Variants in ATRX observed in about 807,000 individuals in gnomAD.
The protein encoded by ATRX is ATRX chromatin remodeler, also known as chromatin remodeler ATRX.
ATRX carries 12 observed loss-of-function variants against 172.6 expected under a neutral mutation model. The observed-to-expected ratio is 0.07, with a 90% CI of 0.04 to 0.11. The LOEUF (loss-of-function observed/expected upper bound fraction) is 0.11, where lower values mean the gene tolerates loss of function less well. ATRX is among the 10% of genes least tolerant of loss of function. The probability of loss-of-function intolerance (pLI) is 1.00; values close to 1 mark genes in which losing one functional copy is unlikely to be tolerated. For missense variants in ATRX, 1,368 were observed against 1,767.4 expected (o/e 0.77, Z 4.05); for synonymous variants, 674 against 594.7 (o/e 1.13, Z -1.94).
At chrX:77,747,057 C>A (rs1163439143) in intron 1 of ATRX, among the ~76,000 whole-genome samples, 1 of 110,807 alleles carries the variant, frequency 9.0e-6, no homozygotes, top group African/African-American at 3.3e-5. Context: ...CTTCGGCCTC[C>A]CAAAGTGCTG....
At chrX:77,576,028 T>C (rs1350284425) in intron 27 of ATRX, among the ~76,000 whole-genome samples, 1 of 111,125 alleles carries the variant, frequency 9.0e-6, no homozygotes. Flanking sequence ...ATGGTAATGG[T>C]AGTGGTAGTG....
At chrX:77,605,705 C>T (rs999856435) in intron 22 of ATRX, among the ~76,000 whole-genome samples, 2 of 111,520 alleles carry the variant, frequency 1.8e-5, no homozygotes, top group Admixed American at 1.9e-4. Context: ...AGGCCAATAT[C>T]ACTGATGAAC....
At chrX:77,588,072 G>A (rs782091354) in intron 27 of ATRX, among the ~76,000 whole-genome samples, 6 of 112,200 alleles carry the variant, frequency 5.3e-5, no homozygotes, top group African/African-American at 9.7e-5. Context: ...TTAGCACAGC[G>A]ACTGACATAT....
chrX:77,717,898 T>A (rs1191988998), intron 1 of ATRX, among the ~76,000 whole-genome samples: 5 of 111,528 alleles, frequency 4.5e-5, no homozygotes, highest in African/African-American at 1.3e-4. Context: ...AAAGAAAATT[T>A]GGGGGATTAA....
chrX:77,719,870 C>T (rs1272884913), intron 1 of ATRX, among the ~76,000 whole-genome samples: 2 of 111,857 alleles, frequency 1.8e-5, no homozygotes, highest in Non-Finnish European at 3.8e-5. Context: ...CCCAAAGCAA[C>T]AGAATATACA....
chrX:77,513,852 G>GA (rs1421793632), intron 34 of ATRX, among the ~76,000 whole-genome samples: 1 of 111,230 alleles, frequency 9.0e-6, no homozygotes, highest in Non-Finnish European at 1.9e-5. Flanking sequence ...TCTGTATCTA[G>GA]AAAACTCTAG....
At chrX:77,669,143 A>G (rs2070414590) in intron 10 of ATRX, among the ~76,000 whole-genome samples, 1 of 111,582 alleles carries the variant, frequency 9.0e-6, no homozygotes, top group South Asian at 3.7e-4. Flanking sequence ...AGGCTTAGAT[A>G]TAGGAAATGA....
chrX:77,505,625 T>C lies in ATRX; in HGVS notation c.*2726A>G, dbSNP rs1283654736. The C allele has an allele frequency of 3.5e-5, 6 of 173,573 alleles. No homozygotes were observed. In the East Asian group the frequency reaches 4.9e-4, roughly 14 times the overall value. The allele number at this position is 173,573 out of a possible 1,213,427, so 14.3% of individuals were successfully genotyped here. ...AACTAAATGTGCAAAAGAACCACCATTATATAGGACAACAAAAGCTATACA... is the reference window on the plus strand; with the variant it reads ...AACTAAATGTGCAAAAGAACCACCACTATATAGGACAACAAAAGCTATACA... On this transcript the variant is annotated 3_prime_UTR_variant, in exon 35 of 35. Transcript: ENST00000373344.
chrX:77,686,027 T>C (rs113185822), intron 7 of ATRX, among the ~76,000 whole-genome samples: 2,805 of 111,246 alleles, frequency 0.025, 49 homozygotes, highest in Non-Finnish European at 0.042. Context: ...ATGAAGGATG[T>C]CATGAAGGAC....
chrX:77,652,645 C>CA (rs782374785), intron 14 of ATRX, among the ~76,000 whole-genome samples: 85 of 98,281 alleles, frequency 8.6e-4, no homozygotes, highest in African/African-American at 1.0e-3. Context: ...ACTAAAAATA[C>CA]AAAAAAAAAA....
At chrX:77,769,047 G>T (rs1215575599) in intron 1 of ATRX, among the ~76,000 whole-genome samples, 1 of 111,041 alleles carries the variant, frequency 9.0e-6, no homozygotes, top group East Asian at 2.8e-4. Flanking sequence ...AATGGAAAAA[G>T]TAAGCGAGGC....
At chrX:77,731,462 G>A (rs900295142) in intron 1 of ATRX, among the ~76,000 whole-genome samples, 3 of 111,898 alleles carry the variant, frequency 2.7e-5, no homozygotes, top group African/African-American at 9.7e-5. Context: ...GAAGACAAGG[G>A]CAGTCCCTGG....
At chrX:77,634,284 G>A (rs2068247710) in intron 17 of ATRX, 1 of 141,185 alleles carries the variant, frequency 7.1e-6, no homozygotes, top group African/African-American at 3.5e-5. Context: ...AATCTTTGCA[G>A]TTGTTGTTGG....
chrX:77,751,106 ACT>A (rs2075283784), intron 1 of ATRX, among the ~76,000 whole-genome samples: 1 of 112,291 alleles, frequency 8.9e-6, no homozygotes, highest in South Asian at 3.7e-4. Context: ...GAATAGCCAC[ACT>A]GTCTTCCACA....
intron 30 of ATRX, among the ~76,000 whole-genome samples, chrX:77,524,679 CAATT>C (rs1289364760): frequency 9.1e-6 from 1 of 109,940 alleles, no homozygotes. Context: ...ACATTTGAAA[CAATT>C]ATTTCCTTTC....
chrX:77,778,049 C>T (rs910112130), intron 1 of ATRX, among the ~76,000 whole-genome samples: 1 of 106,805 alleles, frequency 9.4e-6, no homozygotes, highest in South Asian at 4.2e-4. Flanking sequence ...GCAGAAGAAT[C>T]GCTTGAACCC....
chrX:77,518,951 C>A (rs1431061864), intron 34 of ATRX, among the ~76,000 whole-genome samples: 1 of 111,765 alleles, frequency 8.9e-6, no homozygotes, highest in Non-Finnish European at 1.9e-5. Context: ...TATCCATACG[C>A]AGAACAATGA....
intron 1 of ATRX, among the ~76,000 whole-genome samples, chrX:77,743,715 T>G (rs2074964995): frequency 9.0e-6 from 1 of 111,355 alleles, no homozygotes. Flanking sequence ...CCATAAACTA[T>G]GCCATGCCAG....
At chrX:77,748,672 C>T (rs1443627615) in intron 1 of ATRX, among the ~76,000 whole-genome samples, 1 of 106,990 alleles carries the variant, frequency 9.3e-6, no homozygotes, top group Non-Finnish European at 1.9e-5. Context: ...CTGTAACCTC[C>T]GCCTCCTGGG....
Sources: allele counts gnomAD v4.1 joint callset (sites outside exome capture counted in the v4.1 genomes callset), GRCh38; gene constraint gnomAD v4.1.1; transcripts MANE v1.5; gene names NCBI Gene and HGNC (gene_info 2026-07-23, HGNC 2026-07-21).